Variants in KCNIP1 observed in about 807,000 individuals in gnomAD.
KCNIP1 encodes potassium voltage-gated channel interacting protein 1.
Under a neutral mutation model 33.0 loss-of-function variants are expected in KCNIP1, and 18 were observed. The observed-to-expected ratio is 0.55, with a 90% CI of 0.38 to 0.81. The LOEUF is 0.81. Ranked by LOEUF, KCNIP1 falls within the 30% of genes least tolerant of loss-of-function variation. The pLI is 0.00. For synonymous variants in KCNIP1, 93 were observed against 98.3 expected, an observed-to-expected ratio of 0.95 and a Z score of 0.32; for missense variants, 238 against 271.6, an observed-to-expected ratio of 0.88 and a Z score of 0.87.
intron 1 of KCNIP1, among the ~76,000 whole-genome samples, chr5:170,667,923 AT>A (rs1476417227): frequency 1.3e-5 from 2 of 152,242 alleles, no homozygotes; most frequent in Non-Finnish European, 2.9e-5. Flanking sequence ...AAGGGAATTT[AT>A]TGGCTCATGT....
At chr5:170,629,678 G>A (rs1348955898) in intron 1 of KCNIP1, among the ~76,000 whole-genome samples, 1 of 152,088 alleles carries the variant, frequency 6.6e-6, no homozygotes, top group Non-Finnish European at 1.5e-5. Flanking sequence ...TTCAGGCCTG[G>A]CCCTGACGCC....
At chr5:170,520,245 A>G (rs544008765) in intron 1 of KCNIP1, among the ~76,000 whole-genome samples, 16 of 152,342 alleles carry the variant, frequency 1.1e-4, no homozygotes, top group African/African-American at 3.6e-4. Context: ...TAGAGACAAG[A>G]AAACTGAAGC....
intron 1 of KCNIP1, among the ~76,000 whole-genome samples, chr5:170,513,041 C>T (rs1220062018): frequency 6.6e-6 from 1 of 150,650 alleles, no homozygotes; most frequent in Non-Finnish European, 1.5e-5. Context: ...CAGAGCGAGA[C>T]TCCATCTTGG....
chr5:170,501,408 AT>A (rs1458847487), upstream of KCNIP1, among the ~76,000 whole-genome samples: 1 of 152,148 alleles, frequency 6.6e-6, no homozygotes, highest in Non-Finnish European at 1.5e-5. Context: ...GTCAGGGAGG[AT>A]TTGTAGAAGA....
At chr5:170,626,874 G>GGATCTGT in intron 1 of KCNIP1, among the ~76,000 whole-genome samples, 1 of 151,526 alleles carries the variant, frequency 6.6e-6, no homozygotes, top group South Asian at 2.1e-4. Flanking sequence ...GTGGGCAGCA[G>GGATCTGT]GCCTTCTCAA....
At chr5:170,556,673 A>G (rs752164396) in intron 1 of KCNIP1, among the ~76,000 whole-genome samples, 3 of 152,326 alleles carry the variant, frequency 2.0e-5, no homozygotes, top group South Asian at 2.1e-4. Context: ...CTGACAATCT[A>G]AAGTGTCTCT....
chr5:170,691,752 G>A (rs1762726063), intron 1 of KCNIP1, among the ~76,000 whole-genome samples: 1 of 152,102 alleles, frequency 6.6e-6, no homozygotes, highest in Non-Finnish European at 1.5e-5. Context: ...GGCTTCTGGT[G>A]CCCAGGGAAC....
At chr5:170,658,920 GAC>G (rs1192766006) in intron 1 of KCNIP1, among the ~76,000 whole-genome samples, 4 of 152,168 alleles carry the variant, frequency 2.6e-5, no homozygotes, top group Non-Finnish European at 5.9e-5. Flanking sequence ...TAGAAACTGA[GAC>G]AGCCTCACAG....
intron 1 of KCNIP1, among the ~76,000 whole-genome samples, chr5:170,649,802 G>A (rs1409226413): frequency 6.6e-6 from 1 of 152,206 alleles, no homozygotes; most frequent in Non-Finnish European, 1.5e-5. Flanking sequence ...AATAGGAAGT[G>A]AGGCAGGAGG....
chr5:170,388,506 G>A (rs1475290923), intron 1 of KCNIP1, among the ~76,000 whole-genome samples: 2 of 152,202 alleles, frequency 1.3e-5, no homozygotes, highest in Non-Finnish European at 2.9e-5. Context: ...GAAGTTCCAG[G>A]ATATATCTTC....
intron 1 of KCNIP1, among the ~76,000 whole-genome samples, chr5:170,663,974 C>T (rs1031499668): frequency 6.6e-5 from 10 of 152,138 alleles, no homozygotes; most frequent in Non-Finnish European, 1.3e-4. Context: ...CTCCTCCAAT[C>T]CTGTCCACAC....
At chr5:170,393,845 C>T (rs1395428076) in intron 1 of KCNIP1, among the ~76,000 whole-genome samples, 1 of 152,124 alleles carries the variant, frequency 6.6e-6, no homozygotes, top group Non-Finnish European at 1.5e-5. Context: ...ATGCTGTTAA[C>T]ATAATTGTAA....
In KCNIP1 at chr5:170,641,541, C is replaced by G. The variant is rs764016342; in HGVS notation, c.62-77217C>G. Reference sequence around the variant, plus strand: ...GGGAGCAAAAGCCGCCACAGTAAGACACAATTGATTCATTGCCTCTCAACC... The same window carrying G: ...GGGAGCAAAAGCCGCCACAGTAAGAGACAATTGATTCATTGCCTCTCAACC... On this transcript the variant is annotated intron_variant, in intron 1 of 7. Coordinates refer to ENST00000328939, the MANE Select transcript of KCNIP1 (RefSeq NM_014592.4). Among the ~76,000 whole-genome samples the G allele has an allele frequency of 7.8e-4, 119 of 152,194 alleles. 2 individuals carry two copies. The highest frequency in any genetic ancestry group is 1.9e-4 in the Non-Finnish European group (13 of 68,030).
At chr5:170,407,387 G>T (rs1024702950) in intron 1 of KCNIP1, among the ~76,000 whole-genome samples, 1 of 152,154 alleles carries the variant, frequency 6.6e-6, no homozygotes, top group African/African-American at 2.4e-5. Context: ...AAAGGTAAGG[G>T]TACTGTCTGC....
chr5:170,538,698 C>T (rs558887693), intron 1 of KCNIP1, among the ~76,000 whole-genome samples: 11 of 151,750 alleles, frequency 7.2e-5, no homozygotes, highest in Non-Finnish European at 4.4e-5. Context: ...TATGGACTGT[C>T]CATCTTGAAG....
chr5:170,369,089 G>A lies in KCNIP1; in HGVS notation c.88+15125G>A, dbSNP rs145859415. ...GGATATTTTCAAAATAAAAAGCTGG[G>A]GAAATAAAGGAGCAGTGTAGTATAG... is the stretch of plus-strand genomic sequence containing the variant. On this transcript the variant is annotated intron_variant, in intron 1 of 7. Transcript: ENST00000377360. Among the ~76,000 whole-genome samples, 669 of 152,264 alleles carry A rather than the reference G, an allele frequency of 4.4e-3. 2 individuals are homozygous for A. The highest frequency in any genetic ancestry group is 7.9e-3 in the Non-Finnish European group (536 of 68,016).
At chr5:170,710,207 AT>A (rs564046945) in intron 1 of KCNIP1, among the ~76,000 whole-genome samples, 209 of 152,200 alleles carry the variant, frequency 1.4e-3, no homozygotes, top group African/African-American at 4.9e-3. Flanking sequence ...CTGTCTGTGC[AT>A]TTTTCTATTG....
intron 1 of KCNIP1, among the ~76,000 whole-genome samples, chr5:170,653,134 G>A (rs942118572): frequency 2.0e-5 from 3 of 152,358 alleles, no homozygotes; most frequent in Non-Finnish European, 2.9e-5. Flanking sequence ...TGCAGACAGC[G>A]ATTGGAGAAA....
intron 1 of KCNIP1, among the ~76,000 whole-genome samples, chr5:170,514,883 A>G (rs778534274): frequency 1.3e-5 from 2 of 152,244 alleles, no homozygotes; most frequent in Non-Finnish European, 2.9e-5. Context: ...TGACATTTAT[A>G]TAGCAATCTG....
Sources: gnomAD v4.1 joint callset for allele counts (sites outside exome capture counted in the v4.1 genomes callset) on GRCh38, gnomAD v4.1.1 for gene constraint, MANE v1.5 for transcripts, NCBI Gene and HGNC (gene_info 2026-07-23, HGNC 2026-07-21) for gene names.